The following ST8SIA6 variants were observed in gnomAD, a reference collection of about 807,000 sequenced individuals.
ST8SIA6 encodes alpha-2,8-sialyltransferase 8F.
A neutral mutation model predicts 33.6 loss-of-function variants in ST8SIA6; 39 were observed. That is an observed-to-expected ratio of 1.16 (90% CI 0.90 to 1.52). The LOEUF (loss-of-function observed/expected upper bound fraction) is 1.52. ST8SIA6 is among the 40% of genes most tolerant of loss of function. The pLI, the probability that ST8SIA6 is intolerant of heterozygous loss-of-function variation, is 0.00. For synonymous variants in ST8SIA6, 172 were observed against 167.2 expected, an observed-to-expected ratio of 1.03 and a Z score of -0.22; for missense variants, 441 against 443.8, an observed-to-expected ratio of 0.99 and a Z score of 0.06.
At chr10:17,393,219 T>A (rs1850683844) in intron 2 of ST8SIA6, among the ~76,000 whole-genome samples, 1 of 152,200 alleles carries the variant, frequency 6.6e-6, no homozygotes, top group Non-Finnish European at 1.5e-5. Flanking sequence ...CTCCTCAGCC[T>A]TTGGGCTTAG....
Position 17,320,195 on chromosome 10 carries a change from A to G in ST8SIA6, c.*683T>C, listed in dbSNP as rs1032459526. 2.0e-5 allele frequency: 3 copies of G among 152,276 alleles called. No individual in the cohort carries two copies. The highest frequency in any genetic ancestry group is 7.2e-5 in the African/African-American group (3 of 41,466). The allele number at this position is 152,276 out of a possible 1,614,324, so 9.4% of individuals were successfully genotyped here. ...AAGTATATCGTATAAGTGAGAGAGA[A>G]AAAAGTGTAAGAATGAGGCAGGAAG... is the stretch of plus-strand genomic sequence containing the variant. On this transcript the variant is annotated 3_prime_UTR_variant, in exon 8 of 8. Coordinates refer to ENST00000377602, the MANE Select transcript of ST8SIA6 (RefSeq NM_001004470.3).
At chr10:17,359,783 A>T (rs747504956) in intron 3 of ST8SIA6, among the ~76,000 whole-genome samples, 183 bp from the exon 4 acceptor site, 4 of 152,106 alleles carry the variant, frequency 2.6e-5, no homozygotes, top group African/African-American at 4.8e-5. Flanking sequence ...AATGATTATT[A>T]TGTTGGTTTA....
In ST8SIA6 at chr10:17,417,726, C is replaced by T. The variant is rs1052569274; in HGVS notation, c.201-27106G>A. Among the ~76,000 whole-genome samples the T allele has an allele frequency of 1.1e-4, 16 of 152,214 alleles. 1 individual carries two copies. Among genetic ancestry groups the T allele is most frequent in the South Asian group, 8.3e-4 (4 of 4,828 alleles). ...AAGCCCCTAATTGCCTTCCCTGCTT[C>T]TCCTTTTGTTCCTGCCCCATCTGTC... On this transcript the variant is annotated intron_variant, in intron 2 of 7. Transcript: ENST00000377602.
At chr10:17,341,918 A>AAAC (rs1848690749) in intron 4 of ST8SIA6, among the ~76,000 whole-genome samples, 2 of 150,668 alleles carry the variant, frequency 1.3e-5, no homozygotes, top group East Asian at 1.9e-4. Context: ...AAAAAAAAAA[A>AAAC]AAACAAAAAG....
chr10:17,344,419 AGAAT>A (rs1848769305), intron 4 of ST8SIA6, among the ~76,000 whole-genome samples: 2 of 152,244 alleles, frequency 1.3e-5, no homozygotes, highest in African/African-American at 4.8e-5. Context: ...AGGCAAAGAA[AGAAT>A]GAGAGCCAAG....
At chr10:17,341,454 T>C (rs752681848) in intron 4 of ST8SIA6, among the ~76,000 whole-genome samples, 3 of 152,158 alleles carry the variant, frequency 2.0e-5, no homozygotes, top group African/African-American at 4.8e-5. Context: ...AGCTTCAAGA[T>C]ACAGAATGAG....
chr10:17,336,008 T>G (rs987413027), intron 4 of ST8SIA6, among the ~76,000 whole-genome samples: 3 of 151,690 alleles, frequency 2.0e-5, no homozygotes, highest in Non-Finnish European at 4.4e-5. Context: ...CTGGCTGGAG[T>G]GCAGTGGTGG....
chr10:17,405,057 A>G (rs1442415107), intron 2 of ST8SIA6, among the ~76,000 whole-genome samples: 1 of 152,222 alleles, frequency 6.6e-6, no homozygotes, highest in African/African-American at 2.4e-5. Context: ...TCTGATCTAT[A>G]CATGTAAATG....
intron 2 of ST8SIA6, among the ~76,000 whole-genome samples, chr10:17,439,134 T>A (rs946191522): frequency 1.3e-5 from 2 of 152,266 alleles, no homozygotes; most frequent in Non-Finnish European, 2.9e-5. Context: ...CTTCTTCATT[T>A]AAAATGATAA....
At chr10:17,373,675 G>A (rs61842087) in intron 3 of ST8SIA6, among the ~76,000 whole-genome samples, 27,526 of 152,152 alleles carry the variant, frequency 0.18, 2,635 homozygotes, top group South Asian at 0.22. Flanking sequence ...ATATTTGAAG[G>A]CATTGAAAAC....
At chr10:17,398,503 C>T (rs1363899568) in intron 2 of ST8SIA6, among the ~76,000 whole-genome samples, 1 of 152,110 alleles carries the variant, frequency 6.6e-6, no homozygotes, top group Non-Finnish European at 1.5e-5. Flanking sequence ...TACAATCATG[C>T]AATCGGTCCC....
In ST8SIA6 at chr10:17,315,634, A is replaced by G. The variant is rs1847747976; in HGVS notation, c.*5244T>C. 6.6e-6 allele frequency among the ~76,000 whole-genome samples: 1 copy of G among 152,040 alleles called. No homozygotes were observed. The highest frequency in any genetic ancestry group is 1.5e-5 in the Non-Finnish European group (1 of 67,918). ...TGCAAGACAAGAAATGAGTACAGACAGTAAGATTCCATTTATATAAAATTC... is the reference window on the plus strand; with the variant it reads ...TGCAAGACAAGAAATGAGTACAGACGGTAAGATTCCATTTATATAAAATTC... On this transcript the variant is annotated 3_prime_UTR_variant, in exon 8 of 8. Transcript: ENST00000377602.
chr10:17,357,851 C>A (rs1250326294), intron 4 of ST8SIA6, among the ~76,000 whole-genome samples: 2 of 152,334 alleles, frequency 1.3e-5, no homozygotes, highest in Admixed American at 1.3e-4. Flanking sequence ...TCCTCAATAG[C>A]TCACTACCTG....
intron 6 of ST8SIA6, among the ~76,000 whole-genome samples, chr10:17,324,403 C>T (rs1564399452): frequency 2.0e-5 from 3 of 151,856 alleles, no homozygotes; most frequent in Admixed American, 1.3e-4. Flanking sequence ...ATCAATAATA[C>T]ATATTCAATG....
intron 3 of ST8SIA6, 123 bp downstream of exon 3, chr10:17,390,408 G>T: frequency 1.3e-6 from 1 of 798,662 alleles, no homozygotes; most frequent in Non-Finnish European, 2.0e-6. Context: ...GAGCTTCAGA[G>T]CCCAATGGTA....
intron 7 of ST8SIA6, 149 bp downstream of exon 7, chr10:17,322,916 T>A (rs1848003075): frequency 1.7e-6 from 1 of 588,228 alleles, no homozygotes; most frequent in South Asian, 3.5e-5. Context: ...ATGCCACAAT[T>A]TGCAAATGAA....
At chr10:17,329,594 G>A (rs1179458773) in intron 5 of ST8SIA6, among the ~76,000 whole-genome samples, 1 of 152,012 alleles carries the variant, frequency 6.6e-6, no homozygotes, top group African/African-American at 2.4e-5. Context: ...TTATAGATAG[G>A]GTAGGATGCA....
At chr10:17,447,050 G>GA (rs1852736200) in intron 2 of ST8SIA6, among the ~76,000 whole-genome samples, 1 of 149,530 alleles carries the variant, frequency 6.7e-6, no homozygotes, top group Non-Finnish European at 1.5e-5. Context: ...AAGAAAAAGA[G>GA]AAAAAATAAT....
At position 17,316,223 on chromosome 10, in the gene ST8SIA6, G is replaced by A. The variant is rs1045702816; in HGVS notation, c.*4655C>T. On this transcript the variant is annotated 3_prime_UTR_variant, in exon 8 of 8. Coordinates refer to ENST00000377602, the MANE Select transcript of ST8SIA6 (RefSeq NM_001004470.3). ...TTGACACGTAGCCTTGAATATGTTT[G>A]TATGTATGCATGCATACGCTTTAAA... Among the ~76,000 whole-genome samples the A allele has an allele frequency of 6.6e-5, 10 of 151,958 alleles. No individual in the cohort carries two copies. Among genetic ancestry groups the A allele is most frequent in the African/African-American group, 2.2e-4 (9 of 41,406 alleles).
Sources: allele counts gnomAD v4.1 joint callset (sites outside exome capture counted in the v4.1 genomes callset), GRCh38; gene constraint gnomAD v4.1.1; transcripts MANE v1.5; gene names NCBI Gene and HGNC (gene_info 2026-07-23, HGNC 2026-07-21).